PCDHGA4: variants seen among roughly 807,000 people sequenced by gnomAD.
The protein encoded by PCDHGA4 is protocadherin gamma-A4.
In PCDHGA4, 38 loss-of-function variants were observed where a neutral mutation model predicts 54.6. That is an observed-to-expected ratio of 0.70 (90% CI 0.54 to 0.91). PCDHGA4 has a LOEUF of 0.91. Among genes scored for constraint, PCDHGA4 ranks in the 40% least tolerant of loss-of-function variants. The probability of loss-of-function intolerance (pLI) is 0.00; values close to 1 mark genes in which losing one functional copy is unlikely to be tolerated. For synonymous variants in PCDHGA4, 511 were observed against 512.9 expected, an observed-to-expected ratio of 1.00 and a Z score of 0.05; for missense variants, 1,298 against 1,220.9, an observed-to-expected ratio of 1.06 and a Z score of -0.94.
intron 3 of PCDHGA4, chr5:141,508,084 T>A (rs1422530110): frequency 6.6e-6 from 1 of 152,432 alleles, no homozygotes; most frequent in East Asian, 1.9e-4. Flanking sequence ...CTGGAGTTGC[T>A]GCCTTGGCCC....
Position 141,489,956 on chromosome 5 carries a change from C to CTCCAACCT in PCDHGA4, c.2515-4845_2515-4838dup, listed in dbSNP as rs1176419823. Reference sequence around the variant, plus strand: ...ATCGTGCTGGACATCAATGATAATGCTCCAACCTTCCAATCCTCAGTTCTA... The same window carrying CTCCAACCT: ...ATCGTGCTGGACATCAATGATAATGCTCCAACCTTCCAACCTTCCAATCCTCAGTTCTA... On this transcript the variant is annotated intron_variant, in intron 1 of 3. Coordinates refer to ENST00000571252, the MANE Select transcript of PCDHGA4 (RefSeq NM_018917.4). The surrounding 1 kb of genome is among the most constrained non-coding windows in gnomAD (Gnocchi z 4.5). 16 of 1,614,012 alleles carry CTCCAACCT rather than the reference C, an allele frequency of 9.9e-6. No individual in the cohort carries two copies. The highest frequency in any genetic ancestry group is 1.4e-5 in the Non-Finnish European group (16 of 1,179,974).
At chr5:141,400,227 C>A (rs760084071) in intron 1 of PCDHGA4, 2 of 1,614,052 alleles carry the variant, frequency 1.2e-6, no homozygotes, top group Non-Finnish European at 1.7e-6. Flanking sequence ...TGCTCTTCCT[C>A]CTGGCCGTGA....
chr5:141,358,858 G>C (rs1269270385), intron 1 of PCDHGA4, among the ~76,000 whole-genome samples: 2 of 152,182 alleles, frequency 1.3e-5, no homozygotes, highest in Admixed American at 6.5e-5. Context: ...ATTGCTTTCA[G>C]ATATTTCTGT....
intron 1 of PCDHGA4, chr5:141,372,404 G>A (rs761162819): frequency 2.6e-5 from 42 of 1,613,928 alleles, no homozygotes; most frequent in Non-Finnish European, 2.8e-5. Context: ...GCTTGCAAGA[G>A]ATACAACCTG....
At position 141,356,801 on chromosome 5, in the gene PCDHGA4, C is replaced by A. The variant is rs369350823; in HGVS notation, c.1694C>A (p.Ala565Asp). 6.2e-7 allele frequency: 1 copy of A among 1,614,040 alleles called. No homozygotes were observed. The highest frequency in any genetic ancestry group is 8.5e-7 in the Non-Finnish European group (1 of 1,179,902). ...AGAGACCTGCAGCTGCTGATGACAG[C>A]CAGTGACAGTGGAGACCCTCCACTC... The part of the protein sequence containing the change: ...QFRDLQLLMT[A>D]SDSGDPPLSS... The change falls in exon 1 of 4, where the codon GCC becomes GAC. Residue 565 changes from alanine (A) to aspartate (D), a missense_variant. Transcript: ENST00000571252.
rs1458493906 is a variant in PCDHGA4 at position 141,357,196 on chromosome 5, G to A, written c.2089G>A (p.Asp697Asn). The change falls in exon 1 of 4, where the codon GAC becomes AAC. Residue 697 changes from aspartate to asparagine, a missense_variant. Asp to Asn is a conservative substitution (Grantham distance 23, BLOSUM62 1). Coordinates refer to ENST00000571252, the MANE Select transcript of PCDHGA4 (RefSeq NM_018917.4). ...CGTCACACTCACTGTGGCTGTGGCC[G>A]ACAGCATCCCAGATGTCCTGGCTGA... is the stretch of plus-strand genomic sequence containing the variant. ...ATVTLTVAVA[D>N]SIPDVLADLG... 3 of 1,613,782 alleles carry A rather than the reference G, an allele frequency of 1.9e-6. No homozygotes were observed. Among genetic ancestry groups the A allele is most frequent in the Admixed American group, 3.3e-5 (2 of 60,026 alleles).
intron 1 of PCDHGA4, among the ~76,000 whole-genome samples, chr5:141,438,835 A>T (rs1591550617): frequency 6.7e-6 from 1 of 149,784 alleles, no homozygotes; most frequent in African/African-American, 2.5e-5. Flanking sequence ...CTAATTTTTT[A>T]AAATATTTTT....
chr5:141,436,962 C>A (rs1462988296), intron 1 of PCDHGA4, among the ~76,000 whole-genome samples: 1 of 152,144 alleles, frequency 6.6e-6, no homozygotes, highest in Non-Finnish European at 1.5e-5. Context: ...AAACAAGGAT[C>A]TTGTGAAACT....
rs560084217 is a variant in PCDHGA4 at position 141,395,247 on chromosome 5, G to A, written c.2514+37626G>A. On this transcript the variant is annotated intron_variant, in intron 1 of 3. Transcript: ENST00000571252. ...AGCTGATCATGGTCAGGTGAGTTTA[G>A]TTCTTTGCTTGCTTTTAATTTCCAG... 4 of 1,561,194 alleles carry A rather than the reference G, an allele frequency of 2.6e-6. No individual in the cohort carries two copies. The East Asian group carries it at 9.1e-5, about 35-fold the overall frequency.
At chr5:141,409,592 A>G in intron 1 of PCDHGA4, 1 of 1,613,898 alleles carries the variant, frequency 6.2e-7, no homozygotes, top group African/African-American at 1.3e-5. Flanking sequence ...CGTGGCCGAG[A>G]ACAACCCGCC....
chr5:141,397,965 C>G (rs2093591451), intron 1 of PCDHGA4: 3 of 1,077,486 alleles, frequency 2.8e-6, no homozygotes, highest in South Asian at 1.7e-5. Context: ...AGCTCAGACT[C>G]CCCAGCGCCG....
At chr5:141,451,776 G>C (rs1279891846) in intron 1 of PCDHGA4, among the ~76,000 whole-genome samples, 1 of 152,078 alleles carries the variant, frequency 6.6e-6, no homozygotes, top group Non-Finnish European at 1.5e-5. Flanking sequence ...AGCTACTCAG[G>C]AGGCTGAGGC....
At chr5:141,371,579 T>C in intron 1 of PCDHGA4, 2 of 1,613,852 alleles carry the variant, frequency 1.2e-6, no homozygotes, top group Non-Finnish European at 1.7e-6. Context: ...TTAAAATCGT[T>C]CAAGATACCA....
chr5:141,470,459 A>T (rs59770804), intron 1 of PCDHGA4, among the ~76,000 whole-genome samples: 32,627 of 152,034 alleles, frequency 0.21, 3,610 homozygotes, highest in African/African-American at 0.27. Context: ...CTTGAATAGG[A>T]TTTTCTGATA....
chr5:141,365,390 A>T (rs1763883184), intron 1 of PCDHGA4: 1 of 1,613,850 alleles, frequency 6.2e-7, no homozygotes, highest in African/African-American at 1.3e-5. Context: ...CTCTCTGACC[A>T]GTTCGATCTC....
intron 1 of PCDHGA4, among the ~76,000 whole-genome samples, chr5:141,447,450 C>G (rs540357899): frequency 1.3e-5 from 2 of 152,082 alleles, no homozygotes; most frequent in African/African-American, 2.4e-5. Context: ...AATTTTTAAC[C>G]TCAGTTTTTC....
intron 1 of PCDHGA4, chr5:141,389,855 G>T: frequency 6.2e-7 from 1 of 1,614,060 alleles, no homozygotes; most frequent in Non-Finnish European, 8.5e-7. Context: ...CCACTGCCAC[G>T]TTGCACCTGG....
At chr5:141,376,087 C>T in intron 1 of PCDHGA4, 3 of 1,613,656 alleles carry the variant, frequency 1.9e-6, no homozygotes, top group Non-Finnish European at 2.5e-6. Flanking sequence ...CCGACAGGAT[C>T]CCCGACATCC....
chr5:141,479,939 A>G (rs763454741), intron 1 of PCDHGA4, among the ~76,000 whole-genome samples: 2 of 152,004 alleles, frequency 1.3e-5, no homozygotes, highest in Non-Finnish European at 2.9e-5. Flanking sequence ...ATTGCTATCA[A>G]CTCTTGGATT....
Sources: gnomAD v4.1 joint callset for allele counts (sites outside exome capture counted in the v4.1 genomes callset) on GRCh38, gnomAD v4.1.1 for gene constraint, Gnocchi (gnomAD v3.1) non-coding constraint, MANE v1.5 for transcripts, NCBI Gene and HGNC (gene_info 2026-07-23, HGNC 2026-07-21) for gene names.